DOCK8: variants seen among roughly 807,000 people sequenced by gnomAD.
DOCK8 encodes the protein dedicator of cytokinesis protein 8.
DOCK8 carries 141 observed loss-of-function variants against 245.6 expected under a neutral mutation model. The ratio of observed to expected loss-of-function variants is 0.57; its 90% confidence interval spans 0.50 to 0.66. DOCK8 has a LOEUF of 0.66. Ranked by LOEUF, DOCK8 falls within the 30% of genes least tolerant of loss-of-function variation. The pLI is 0.00. For missense variants in DOCK8, 2,965 were observed against 2,603.4 expected, an observed-to-expected ratio of 1.14 and a Z score of -3.02; for synonymous variants, 1,168 against 970.2, an observed-to-expected ratio of 1.20 and a Z score of -3.79.
At chr9:293,740 T>A (rs916401834) in intron 4 of DOCK8, among the ~76,000 whole-genome samples, 6 of 152,196 alleles carry the variant, frequency 3.9e-5, no homozygotes, top group African/African-American at 1.4e-4. Flanking sequence ...GAGTTTCCAG[T>A]TTTTCTGTGT....
chr9:304,597 G>C lies in DOCK8; in HGVS notation c.421G>C (p.Glu141Gln), dbSNP rs566120642. 1 of 1,614,152 alleles carries C rather than the reference G, an allele frequency of 6.2e-7. No homozygotes were observed. The highest frequency in any genetic ancestry group is 1.3e-5 in the African/African-American group (1 of 75,034). Residue 141 changes from glutamate to glutamine, a missense_variant, in exon 5 of 48, where the codon GAA becomes CAA. Physicochemically the swap from Glu to Gln is conservative, Grantham distance 29 (BLOSUM62 2). Around this residue, in one of 3 missense-constraint regions of DOCK8, gnomAD observed 2,825 missense variants for 2,453.5 expected, o/e 1.15. Transcript: ENST00000432829. Reference sequence around the variant, plus strand: ...CCATAAAAGAAACCAAGGAAGTCCAGAAATCTGTGGCTTTAAAAAGACTGG... The same window carrying C: ...CCATAAAAGAAACCAAGGAAGTCCACAAATCTGTGGCTTTAAAAAGACTGG... ...IVNRKNQGSP[E>Q]ICGFKKTGSR...
intron 1 of DOCK8, among the ~76,000 whole-genome samples, chr9:264,115 T>A (rs2047983655): frequency 6.6e-6 from 1 of 152,238 alleles, no homozygotes; most frequent in Non-Finnish European, 1.5e-5. Context: ...AAGACTCTCT[T>A]TTCTTTAAAC....
chr9:403,148 C>T (rs961390447), intron 26 of DOCK8, among the ~76,000 whole-genome samples: 1 of 152,168 alleles, frequency 6.6e-6, no homozygotes, highest in African/African-American at 2.4e-5. Flanking sequence ...CTCTGCCTCC[C>T]GAAGTGCTGG....
chr9:417,999 C>A, intron 29 of DOCK8, 69 bp from the exon 30 acceptor site: 1 of 1,606,270 alleles, frequency 6.2e-7, no homozygotes, highest in South Asian at 1.1e-5. Context: ...GTATCAGTCT[C>A]TTATTGGGTA....
chr9:371,419 T>C lies in DOCK8; in HGVS notation c.1869-9T>C, dbSNP rs775042289. 1 of 1,614,202 alleles carries C rather than the reference T, an allele frequency of 6.2e-7. No homozygotes were observed. The highest frequency in any genetic ancestry group is 8.5e-7 in the Non-Finnish European group (1 of 1,180,022). On this transcript the variant is annotated splice_polypyrimidine_tract_variant and intron_variant, in intron 16 of 47. Coordinates refer to ENST00000432829, the MANE Select transcript of DOCK8 (RefSeq NM_203447.4). Reference sequence around the variant, plus strand: ...AAAGTTATTTGTGTATAATGTGCTTTTGAAACAGGTCTCCTGACTTTTATG... The same window carrying C: ...AAAGTTATTTGTGTATAATGTGCTTCTGAAACAGGTCTCCTGACTTTTATG...
chr9:366,350 A>T (rs1441311773), intron 14 of DOCK8: 1 of 152,456 alleles, frequency 6.6e-6, no homozygotes. Context: ...TGAGGGTAAA[A>T]TAAGACCTAG....
chr9:332,941 A>C (rs1005297748), intron 10 of DOCK8, among the ~76,000 whole-genome samples: 1 of 152,096 alleles, frequency 6.6e-6, no homozygotes, highest in Non-Finnish European at 1.5e-5. Flanking sequence ...TACAGGCATG[A>C]GTCACCATGC....
intron 1 of DOCK8, among the ~76,000 whole-genome samples, chr9:249,588 A>G (rs2047599163): frequency 6.6e-6 from 1 of 151,950 alleles, no homozygotes; most frequent in South Asian, 2.1e-4. Context: ...TTAGCATGCT[A>G]TTACTCTTTT....
intron 45 of DOCK8, among the ~76,000 whole-genome samples, chr9:451,659 A>G (rs1410137109): frequency 6.6e-6 from 1 of 151,946 alleles, no homozygotes; most frequent in Admixed American, 6.6e-5. Flanking sequence ...CAGGGAAAAT[A>G]CATTTATACT....
intron 36 of DOCK8, among the ~76,000 whole-genome samples, chr9:431,464 G>A (rs754048277): frequency 2.6e-5 from 4 of 152,114 alleles, no homozygotes; most frequent in Admixed American, 2.0e-4. Context: ...AAACCTTGTT[G>A]CTTACCCGGA....
At chr9:400,946 ATCACCACCACCACCACCAC>A (rs2055015913) in intron 26 of DOCK8, among the ~76,000 whole-genome samples, 1 of 121,974 alleles carries the variant, frequency 8.2e-6, no homozygotes, top group South Asian at 2.8e-4. Flanking sequence ...CACCACCACC[ATCACCACCACCACCACCAC>A]CTCCTCCACC....
At chr9:451,724 G>A (rs986522839) in intron 45 of DOCK8, among the ~76,000 whole-genome samples, 1 of 151,880 alleles carries the variant, frequency 6.6e-6, no homozygotes, top group Non-Finnish European at 1.5e-5. Context: ...AATTTCCTGA[G>A]ATGTCCAAGA....
At chr9:451,875 A>G in intron 45 of DOCK8, 136 bp from the exon 46 acceptor site, 1 of 222,164 alleles carries the variant, frequency 4.5e-6, no homozygotes, top group Non-Finnish European at 7.8e-6. Context: ...GTGTGTGTAT[A>G]TATATATACA....
Position 382,704 on chromosome 9 carries a change from C to G in DOCK8, c.2778+19C>G. 1 of 1,613,848 alleles carries G rather than the reference C, an allele frequency of 6.2e-7. No homozygotes were observed. The highest frequency in any genetic ancestry group is 2.2e-5 in the East Asian group (1 of 44,876). ...TTCAAAGGTAGGAAAGATGTCAAAC[C>G]GTGGAAGGGGACACAGGCTTTTTTA... On this transcript the variant is annotated intron_variant, in intron 22 of 47. Transcript: ENST00000432829.
chr9:214,453 C>CTT, upstream of DOCK8: 1 of 1,534,108 alleles, frequency 6.5e-7, no homozygotes, highest in Non-Finnish European at 8.9e-7. Context: ...ACTTTTTTGT[C>CTT]TTTTTTTTTG....
intron 1 of DOCK8, chr9:215,868 G>A (rs940949379): frequency 2.4e-5 from 4 of 167,060 alleles, no homozygotes; most frequent in African/African-American, 9.6e-5. Flanking sequence ...CCCTGAGAAA[G>A]CTAGACTGTC....
chr9:278,071 A>C (rs2048428048), intron 2 of DOCK8, among the ~76,000 whole-genome samples: 1 of 152,244 alleles, frequency 6.6e-6, no homozygotes, highest in South Asian at 2.1e-4. Context: ...ATGACGGAAA[A>C]TGAAGATCTC....
intron 31 of DOCK8, 53 bp downstream of exon 31, chr9:420,636 T>C: frequency 6.2e-7 from 1 of 1,606,838 alleles, no homozygotes; most frequent in South Asian, 1.1e-5. Context: ...CAATTGCAAT[T>C]CTGTCTTCTT....
chr9:220,825 A>C, intron 1 of DOCK8: 1 of 347,472 alleles, frequency 2.9e-6, no homozygotes, highest in Non-Finnish European at 5.6e-6. Context: ...GATTCAAGCG[A>C]TTCTCCTGCC....
Sources: gnomAD v4.1 joint callset for allele counts (sites outside exome capture counted in the v4.1 genomes callset) on GRCh38, gnomAD v4.1.1 for gene constraint, gnomAD v4.1.1 regional missense constraint, MANE v1.5 for transcripts, NCBI Gene and HGNC (gene_info 2026-07-23, HGNC 2026-07-21) for gene names.